The following BAALC variants were observed in gnomAD, a reference collection of about 807,000 sequenced individuals.
BAALC encodes BAALC binder of MAP3K1 and KLF4, also known as brain and acute leukemia cytoplasmic protein.
In BAALC, 9 loss-of-function variants were observed where a neutral mutation model predicts 15.5. The ratio of observed to expected loss-of-function variants is 0.58; its 90% CI spans 0.35 to 1.02. The LOEUF (loss-of-function observed/expected upper bound fraction) is 1.02. Among genes scored for constraint, BAALC ranks in the 50% least tolerant of loss-of-function variants. The pLI is 0.02. For synonymous variants in BAALC, 80 were observed against 74.6 expected, an observed-to-expected ratio of 1.07 and a Z score of -0.37; for missense variants, 201 against 192.4, an observed-to-expected ratio of 1.04 and a Z score of -0.27.
chr8:103,163,720 C>T (rs1255919642), intron 1 of BAALC, among the ~76,000 whole-genome samples: 1 of 152,142 alleles, frequency 6.6e-6, no homozygotes, highest in Non-Finnish European at 1.5e-5. Context: ...ACTGCCCTTC[C>T]TGAATGTGGG....
At chr8:103,202,300 C>G (rs1812234549) in intron 1 of BAALC, among the ~76,000 whole-genome samples, 1 of 152,044 alleles carries the variant, frequency 6.6e-6, no homozygotes, top group South Asian at 2.1e-4. Flanking sequence ...TTTGGGTAGG[C>G]ACAAATCCAG....
intron 1 of BAALC, among the ~76,000 whole-genome samples, chr8:103,141,980 TA>T (rs1296471516): frequency 6.6e-6 from 1 of 152,230 alleles, no homozygotes; most frequent in Non-Finnish European, 1.5e-5. Flanking sequence ...TTGGTGACAT[TA>T]AAAGGAAAAA....
intron 1 of BAALC, among the ~76,000 whole-genome samples, chr8:103,209,630 G>C (rs1812405386): frequency 6.6e-6 from 1 of 152,014 alleles, no homozygotes; most frequent in Admixed American, 6.5e-5. Context: ...CCCTCCTTCA[G>C]AATTCATTGC....
In BAALC at chr8:103,171,646, A is replaced by C. The variant is rs778741529; in HGVS notation, c.160+30589A>C. On this transcript the variant is annotated intron_variant, in intron 1 of 2. Coordinates refer to ENST00000309982, the MANE Select transcript of BAALC (RefSeq NM_024812.3). ...AGCTTTTCCCAAAGAGCTAGAAAAC[A>C]CTAGTTCTAAAGGACACATTAATAA... Among the ~76,000 whole-genome samples the C allele has an allele frequency of 4.5e-4, 69 of 152,316 alleles. 2 individuals carry two copies. The highest frequency in any genetic ancestry group is 5.9e-5 in the Non-Finnish European group (4 of 68,018).
chr8:103,198,423 G>T (rs1323901329), intron 1 of BAALC, among the ~76,000 whole-genome samples: 2 of 152,022 alleles, frequency 1.3e-5, no homozygotes, highest in Admixed American at 6.6e-5. Context: ...TATCAAAAAA[G>T]GTGGTAGAAA....
At chr8:103,153,379 C>T (rs531678560) in intron 1 of BAALC, 11 of 152,200 alleles carry the variant, frequency 7.2e-5, no homozygotes, top group African/African-American at 2.4e-4. Context: ...ACAATTTTGC[C>T]GTAACAACAA....
intron 1 of BAALC, among the ~76,000 whole-genome samples, chr8:103,196,341 T>A (rs1812097255): frequency 6.6e-6 from 1 of 152,102 alleles, no homozygotes; most frequent in Non-Finnish European, 1.5e-5. Flanking sequence ...AGTGCAGTGG[T>A]GCAATCTCAG....
At chr8:103,152,199 C>T (rs770075386) in intron 1 of BAALC, among the ~76,000 whole-genome samples, 1 of 152,134 alleles carries the variant, frequency 6.6e-6, no homozygotes, top group Non-Finnish European at 1.5e-5. Flanking sequence ...CTTCCTTGGC[C>T]TCCAGGGGCC....
At chr8:103,186,140 T>C (rs1563647294) in intron 1 of BAALC, among the ~76,000 whole-genome samples, 1 of 152,158 alleles carries the variant, frequency 6.6e-6, no homozygotes. Flanking sequence ...TCAGGGCCCA[T>C]CTGGTAACAG....
chr8:103,149,173 C>A (rs1810932163), intron 1 of BAALC, among the ~76,000 whole-genome samples: 1 of 152,128 alleles, frequency 6.6e-6, no homozygotes, highest in Non-Finnish European at 1.5e-5. Context: ...AGTACCCTCC[C>A]CCCACCCCAT....
intron 1 of BAALC, among the ~76,000 whole-genome samples, chr8:103,142,566 G>A (rs1053113213): frequency 7.2e-5 from 11 of 152,122 alleles, no homozygotes; most frequent in African/African-American, 2.7e-4. Context: ...AAAGGCCAGA[G>A]ATGTACTCCG....
At chr8:103,187,882 G>C (rs1007482489) in intron 1 of BAALC, among the ~76,000 whole-genome samples, 2 of 114,650 alleles carry the variant, frequency 1.7e-5, no homozygotes, top group African/African-American at 6.6e-5. Flanking sequence ...AAACAAGATA[G>C]AGAATCTTTT....
chr8:103,190,173 C>T (rs575136934), intron 1 of BAALC, among the ~76,000 whole-genome samples: 8 of 152,120 alleles, frequency 5.3e-5, no homozygotes, highest in Non-Finnish European at 8.8e-5. Flanking sequence ...GGGGAACTGG[C>T]TTGAAGGTAA....
intron 1 of BAALC, among the ~76,000 whole-genome samples, chr8:103,191,945 T>G (rs1811977242): frequency 6.6e-6 from 1 of 152,204 alleles, no homozygotes; most frequent in Non-Finnish European, 1.5e-5. Flanking sequence ...ATCAGCCCAC[T>G]TGGAGTTTTT....
intron 1 of BAALC, among the ~76,000 whole-genome samples, chr8:103,187,223 C>T (rs575633569): frequency 2.6e-5 from 4 of 152,222 alleles, no homozygotes; most frequent in East Asian, 3.9e-4. Context: ...TAGTGGGCAC[C>T]GAAGTCCCCT....
At chr8:103,193,617 G>GT (rs1336102504) in intron 1 of BAALC, among the ~76,000 whole-genome samples, 4 of 152,126 alleles carry the variant, frequency 2.6e-5, no homozygotes, top group Non-Finnish European at 4.4e-5. Context: ...ACAGATCTGG[G>GT]TTTTGAGTCC....
intron 1 of BAALC, among the ~76,000 whole-genome samples, chr8:103,146,420 C>T (rs576637075): frequency 1.3e-5 from 2 of 152,150 alleles, no homozygotes; most frequent in African/African-American, 2.4e-5. Flanking sequence ...TACCTGTTAC[C>T]GCTTGTGGTT....
chr8:103,196,171 C>A (rs1235888263), intron 1 of BAALC, among the ~76,000 whole-genome samples: 1 of 152,186 alleles, frequency 6.6e-6, no homozygotes, highest in Non-Finnish European at 1.5e-5. Flanking sequence ...CAGGAGAGCT[C>A]ACAAAGAGCC....
At chr8:103,161,459 C>T (rs1217935589) in intron 1 of BAALC, among the ~76,000 whole-genome samples, 1 of 152,316 alleles carries the variant, frequency 6.6e-6, no homozygotes, top group Non-Finnish European at 1.5e-5. Flanking sequence ...CAAAGCACTA[C>T]ATAAATTCCT....
Sources: allele counts gnomAD v4.1 joint callset (sites outside exome capture counted in the v4.1 genomes callset), GRCh38; gene constraint gnomAD v4.1.1; transcripts MANE v1.5; gene names NCBI Gene and HGNC (gene_info 2026-07-23, HGNC 2026-07-21).